Variants in HDAC4 observed in about 807,000 individuals in gnomAD.
HDAC4 encodes the protein histone deacetylase 4.
Under a neutral mutation model 135.1 loss-of-function variants are expected in HDAC4, and 16 were observed. The observed-to-expected ratio is 0.12, with a 90% CI of 0.08 to 0.18. The LOEUF is 0.18. Ranked by LOEUF, HDAC4 falls within the 10% of genes least tolerant of loss-of-function variation. HDAC4 has a pLI of 1.00. For synonymous variants in HDAC4, 685 were observed against 653.4 expected, an observed-to-expected ratio of 1.05 and a Z score of -0.74; for missense variants, 1,143 against 1,511.8, an observed-to-expected ratio of 0.76 and a Z score of 4.05.
chr2:239,150,192 C>A (rs534327824), intron 7 of HDAC4, among the ~76,000 whole-genome samples: 1 of 152,272 alleles, frequency 6.6e-6, no homozygotes, highest in Admixed American at 6.5e-5. Flanking sequence ...CAGATACATA[C>A]AGAAACACAG....
chr2:239,305,605 G>A (rs897379745), intron 2 of HDAC4: 19 of 152,628 alleles, frequency 1.2e-4, no homozygotes, highest in African/African-American at 4.6e-4. Context: ...TTATTTTAAT[G>A]GTGAAATAAG....
intron 2 of HDAC4, among the ~76,000 whole-genome samples, chr2:239,267,103 G>A (rs570597739): frequency 2.5e-4 from 38 of 152,246 alleles, no homozygotes; most frequent in Admixed American, 1.8e-3. Flanking sequence ...GGGGGGTGCC[G>A]CTTGACCACC....
intron 17 of HDAC4, among the ~76,000 whole-genome samples, chr2:239,090,581 C>T (rs940606718): frequency 6.6e-6 from 1 of 150,830 alleles, no homozygotes; most frequent in Non-Finnish European, 1.5e-5. Flanking sequence ...AGGTCGAGGC[C>T]GCAGTGAGCC....
chr2:239,263,806 T>C (rs1231527258), intron 2 of HDAC4, among the ~76,000 whole-genome samples: 1 of 152,142 alleles, frequency 6.6e-6, no homozygotes, highest in Non-Finnish European at 1.5e-5. Context: ...GCCGCCTGCC[T>C]GGCCCCAGCT....
intron 7 of HDAC4, among the ~76,000 whole-genome samples, chr2:239,147,947 A>G (rs1264545370): frequency 6.6e-6 from 1 of 152,256 alleles, no homozygotes; most frequent in African/African-American, 2.4e-5. Context: ...AGTCAGCTGC[A>G]GGTGAAGCGG....
chr2:239,140,543 CAT>C (rs1212649803), intron 8 of HDAC4, among the ~76,000 whole-genome samples: 1 of 152,182 alleles, frequency 6.6e-6, no homozygotes, highest in African/African-American at 2.4e-5. Context: ...TTTGGCTTGT[CAT>C]ATGTTTAGTT....
chr2:239,231,693 T>C (rs1430619961), intron 3 of HDAC4, among the ~76,000 whole-genome samples: 1 of 48,624 alleles, frequency 2.1e-5, no homozygotes, highest in African/African-American at 6.6e-5. Flanking sequence ...CCCGGATGCC[T>C]GAGGTAGGCG....
chr2:239,242,552 G>T (rs1219725865), intron 2 of HDAC4, among the ~76,000 whole-genome samples: 1 of 152,066 alleles, frequency 6.6e-6, no homozygotes, highest in Non-Finnish European at 1.5e-5. Flanking sequence ...TGTAGTTATC[G>T]TGTATTTTCT....
intron 12 of HDAC4, among the ~76,000 whole-genome samples, chr2:239,125,547 C>T (rs1046685159): frequency 6.6e-6 from 1 of 152,190 alleles, no homozygotes. Context: ...CTGTGAATGC[C>T]TGAGTGAGTT....
In HDAC4 at chr2:239,352,607, G is replaced by T; in HGVS notation, c.22+71C>A. ...TCTCAAATCCAGAAAGCAAGCTGCA[G>T]TCACAAGAACTTCTACTTTGGGCAA... On this transcript the variant is annotated intron_variant, in intron 2 of 26. Transcript: ENST00000543185. This position sits in a 1 kb window ranked among gnomAD's most constrained non-coding sequence, Gnocchi z 4.4. 1 of 1,433,842 alleles carries T rather than the reference G, an allele frequency of 7.0e-7. No individual in the cohort carries two copies. The highest frequency in any genetic ancestry group is 9.6e-7 in the Non-Finnish European group (1 of 1,039,550). 88.8% of individuals were successfully genotyped at this position (1,433,842 alleles called of 1,614,324 possible).
Position 239,052,561 on chromosome 2 carries a change from C to T in HDAC4, c.*536G>A, listed in dbSNP as rs1392007493. ...CGGGTGCAGACCCCCCGCCGCACACCGCTATGGTTCACAGAGGCGGGCCAC... is the reference window on the plus strand; with the variant it reads ...CGGGTGCAGACCCCCCGCCGCACACTGCTATGGTTCACAGAGGCGGGCCAC... On this transcript the variant is annotated 3_prime_UTR_variant, in exon 27 of 27. Transcript: ENST00000543185. The T allele has an allele frequency of 6.7e-5, 11 of 163,300 alleles. No individual in the cohort carries two copies. The East Asian group carries it at 6.8e-4, about 10-fold the overall frequency. The allele number at this position is 163,300 out of a possible 1,614,324, so 10.1% of individuals were successfully genotyped here.
At chr2:239,380,969 G>A (rs931943838) in intron 1 of HDAC4, among the ~76,000 whole-genome samples, 2 of 152,152 alleles carry the variant, frequency 1.3e-5, no homozygotes, top group African/African-American at 2.4e-5. Context: ...GAGCAAACAC[G>A]GGTTCACGTC....
intron 3 of HDAC4, among the ~76,000 whole-genome samples, chr2:239,198,398 G>A (rs910438718): frequency 1.2e-4 from 18 of 152,144 alleles, no homozygotes; most frequent in African/African-American, 3.4e-4. Context: ...TACTGTCCAC[G>A]AGAGGCGCCT....
At chr2:239,359,384 A>G (rs947684193) in intron 1 of HDAC4, among the ~76,000 whole-genome samples, 22 of 152,268 alleles carry the variant, frequency 1.4e-4, no homozygotes, top group Non-Finnish European at 4.4e-5. Flanking sequence ...AGCTAATGGG[A>G]AACATGTTTC....
At chr2:239,347,007 C>A (rs1330098211) in intron 2 of HDAC4, among the ~76,000 whole-genome samples, 1 of 149,804 alleles carries the variant, frequency 6.7e-6, no homozygotes, top group South Asian at 2.1e-4. Flanking sequence ...AAACACACAC[C>A]CCATCACACG....
chr2:239,087,834 T>C (rs1474064145), intron 18 of HDAC4, among the ~76,000 whole-genome samples: 3 of 148,666 alleles, frequency 2.0e-5, no homozygotes, highest in African/African-American at 7.5e-5. Flanking sequence ...GGGCTACTAA[T>C]GGTTCCCCCG....
At chr2:239,355,516 A>ACATAC (rs1486240072) in intron 1 of HDAC4, among the ~76,000 whole-genome samples, 1 of 152,198 alleles carries the variant, frequency 6.6e-6, no homozygotes, top group Non-Finnish European at 1.5e-5. Flanking sequence ...CACTCGGCCT[A>ACATAC]GTCCCTCCTC....
chr2:239,335,874 C>G (rs1023030091), intron 2 of HDAC4, among the ~76,000 whole-genome samples: 1 of 152,152 alleles, frequency 6.6e-6, no homozygotes, highest in Non-Finnish European at 1.5e-5. Context: ...AACTGTTTGG[C>G]ACACATACAC....
chr2:239,390,317 AG>A (rs1280331067), intron 1 of HDAC4, among the ~76,000 whole-genome samples: 1 of 152,194 alleles, frequency 6.6e-6, no homozygotes, highest in Non-Finnish European at 1.5e-5. Flanking sequence ...AGACTGTTTG[AG>A]CCCAGGAGTT....
Sources: gnomAD v4.1 joint callset for allele counts (sites outside exome capture counted in the v4.1 genomes callset) on GRCh38, gnomAD v4.1.1 for gene constraint, Gnocchi (gnomAD v3.1) non-coding constraint, MANE v1.5 for transcripts, NCBI Gene and HGNC (gene_info 2026-07-23, HGNC 2026-07-21) for gene names.